Variants in TMEM87B observed in about 807,000 individuals in gnomAD.
TMEM87B encodes the protein transmembrane protein 87B.
TMEM87B carries 83 observed loss-of-function variants against 80.3 expected under a neutral mutation model. The ratio of observed to expected loss-of-function variants is 1.03; its 90% CI spans 0.87 to 1.24. TMEM87B has a LOEUF of 1.24. TMEM87B is among the 50% of genes most tolerant of loss of function. The pLI is 0.00. For synonymous variants in TMEM87B, 219 were observed against 230.5 expected, an observed-to-expected ratio of 0.95 and a Z score of 0.45; for missense variants, 625 against 674.4, an observed-to-expected ratio of 0.93 and a Z score of 0.81.
chr2:112,080,320 C>T (rs577773673), intron 6 of TMEM87B, among the ~76,000 whole-genome samples: 91 of 151,560 alleles, frequency 6.0e-4, no homozygotes, highest in African/African-American at 1.6e-3. Context: ...AGTGCAGTGG[C>T]GTGATCTCGG....
chr2:112,095,161 CTTTCTTTTT>C, intron 11 of TMEM87B: 1 of 656,180 alleles, frequency 1.5e-6, no homozygotes, highest in South Asian at 7.4e-5. Context: ...TCTTTTCTTT[CTTTCTTTTT>C]TTTTTTTTTT....
chr2:112,113,565 G>A (rs1220810712), intron 18 of TMEM87B, among the ~76,000 whole-genome samples: 2 of 152,210 alleles, frequency 1.3e-5, no homozygotes, highest in African/African-American at 4.8e-5. Flanking sequence ...GACTGTACTG[G>A]GATGGGAAGG....
rs572190653 is a variant in TMEM87B, at chr2:112,100,990, T to G, written c.1450+295T>G. ...GCTTAGCTGCTAAATAATGTTCATC[T>G]TGATGATTGCTAAGTTTCTTTGAGT... On this transcript the variant is annotated intron_variant, in intron 15 of 18. Coordinates refer to ENST00000283206, the MANE Select transcript of TMEM87B (RefSeq NM_032824.3). 1.4e-4 allele frequency among the ~76,000 whole-genome samples: 22 copies of G among 152,318 alleles called. No individual in the cohort carries two copies. In the South Asian group the frequency reaches 4.3e-3, roughly 30 times the overall value.
At chr2:112,074,849 A>G in intron 4 of TMEM87B, 63 bp from the exon 5 acceptor site, 1 of 1,448,066 alleles carries the variant, frequency 6.9e-7, no homozygotes, top group Non-Finnish European at 9.1e-7. Context: ...CTTAATTATT[A>G]AAACAATTTT....
At chr2:112,055,876 A>C in intron 1 of TMEM87B, 120 bp downstream of exon 1, 1 of 1,263,682 alleles carries the variant, frequency 7.9e-7, no homozygotes, top group Non-Finnish European at 1.0e-6. Context: ...GGGTCCCCTG[A>C]TACCCTCCCT....
At chr2:112,109,664 C>CTTTTTTTTTTTTTTTTTTTTTTTTTT (rs561752709) in intron 17 of TMEM87B, among the ~76,000 whole-genome samples, 2 of 46,342 alleles carry the variant, frequency 4.3e-5, no homozygotes, top group Non-Finnish European at 8.6e-5. Flanking sequence ...TAAGTATGGT[C>CTTTTTTTTTTTTTTTTTTTTTTTTTT]TTTTTTTTTT....
At chr2:112,057,135 C>T (rs562056129) in intron 1 of TMEM87B, among the ~76,000 whole-genome samples, 25 of 152,302 alleles carry the variant, frequency 1.6e-4, no homozygotes, top group Non-Finnish European at 2.9e-4. Flanking sequence ...TCCTGTGTGA[C>T]CCTGGGCCGC....
Position 112,101,162 on chromosome 2 carries a change from T to G in TMEM87B, c.1450+467T>G, listed in dbSNP as rs563948482. On this transcript the variant is annotated intron_variant, in intron 15 of 18. Transcript: ENST00000283206. The stretch of plus-strand genomic sequence containing the variant: ...TCATTTTATTAATTTTATTGTAATC[T>G]AATTAAGCATCTGTTAAGGCAACAT... 1.1e-4 allele frequency among the ~76,000 whole-genome samples: 17 copies of G among 152,324 alleles called. No individual in the cohort carries two copies. The East Asian group carries it at 2.9e-3, about 26-fold the overall frequency.
At chr2:112,080,301 C>T (rs1301089263) in intron 6 of TMEM87B, among the ~76,000 whole-genome samples, 1 of 151,168 alleles carries the variant, frequency 6.6e-6, no homozygotes. Flanking sequence ...GCTCTGTCGC[C>T]CAGGCTGGAG....
intron 11 of TMEM87B, among the ~76,000 whole-genome samples, chr2:112,096,152 A>T (rs1435150257): frequency 6.6e-6 from 1 of 152,088 alleles, no homozygotes; most frequent in Non-Finnish European, 1.5e-5. Context: ...CTGAGTTCCC[A>T]TTCCTTGCAT....
intron 15 of TMEM87B, 72 bp from the exon 16 acceptor site, chr2:112,105,930 T>C (rs1388563343): frequency 9.2e-6 from 10 of 1,084,902 alleles, no homozygotes; most frequent in Admixed American, 5.2e-5. Context: ...TTTTTTCTTA[T>C]CAGATTATTA....
At chr2:112,076,049 TCTG>T (rs1280895730) in intron 5 of TMEM87B, among the ~76,000 whole-genome samples, 1 of 152,192 alleles carries the variant, frequency 6.6e-6, no homozygotes, top group Non-Finnish European at 1.5e-5. Context: ...CTGAGTCATT[TCTG>T]ACAATGTTAT....
At chr2:112,111,918 T>A (rs1679927802) in intron 17 of TMEM87B, among the ~76,000 whole-genome samples, 3 of 152,256 alleles carry the variant, frequency 2.0e-5, no homozygotes, top group Admixed American at 2.0e-4. Flanking sequence ...GGGACCGTTG[T>A]TGATATTGCT....
At chr2:112,094,939 G>A (rs1679412850) in intron 11 of TMEM87B, among the ~76,000 whole-genome samples, 1 of 151,162 alleles carries the variant, frequency 6.6e-6, no homozygotes, top group Non-Finnish European at 1.5e-5. Context: ...AAAAAAAAAA[G>A]CAGAACTAAA....
intron 11 of TMEM87B, among the ~76,000 whole-genome samples, chr2:112,093,900 T>A (rs1055838825): frequency 1.3e-5 from 2 of 152,170 alleles, no homozygotes; most frequent in African/African-American, 4.8e-5. Context: ...AGAATGACAG[T>A]GGAGATGAAC....
chr2:112,110,949 GC>G (rs1475489223), intron 17 of TMEM87B, among the ~76,000 whole-genome samples: 3 of 152,062 alleles, frequency 2.0e-5, no homozygotes, highest in African/African-American at 2.4e-5. Context: ...TAAGTGTTGG[GC>G]TTTTTTGGAG....
rs190034378 is a variant in TMEM87B at position 112,093,838 on chromosome 2, C to A, written c.1104+2055C>A. Among the ~76,000 whole-genome samples the A allele has an allele frequency of 5.9e-5, 9 of 152,318 alleles. No individual in the cohort carries two copies. The East Asian group carries it at 1.7e-3, about 29-fold the overall frequency. On this transcript the variant is annotated intron_variant, in intron 11 of 18. Transcript: ENST00000283206. ...CAGGACTGCTTGTTAAGGGGACTCT[C>A]CTGCCTTGAGAATGGGCAGGAGGTA...
chr2:112,063,744 G>A lies in TMEM87B; in HGVS notation c.227-418G>A, dbSNP rs1460160629. 2.0e-5 allele frequency among the ~76,000 whole-genome samples: 3 copies of A among 152,302 alleles called. 1 individual carries two copies. The highest frequency in any genetic ancestry group is 4.1e-4 in the South Asian group (2 of 4,826). On this transcript the variant is annotated intron_variant, in intron 2 of 18. Transcript: ENST00000283206. The stretch of plus-strand genomic sequence containing the variant: ...GACTACTGAGAGTGCCTGTTTAGTT[G>A]TTAAAACTCACTCCTCCAGTACCTC...
Position 112,069,976 on chromosome 2 carries a change from G to GA in TMEM87B, c.450+2914dup, listed in dbSNP as rs1227625222. ...GTTGGCCATATGCATGTCTTCCTTT[G>GA]AAAAATGTCTAGTCATGTCCTTTGC... On this transcript the variant is annotated intron_variant, in intron 4 of 18. Transcript: ENST00000283206. Among the ~76,000 whole-genome samples the GA allele has an allele frequency of 2.0e-5, 3 of 152,026 alleles. No homozygotes were observed. In the South Asian group the frequency reaches 6.2e-4, roughly 32 times the overall value.
Sources: allele counts gnomAD v4.1 joint callset (sites outside exome capture counted in the v4.1 genomes callset), GRCh38; gene constraint gnomAD v4.1.1; transcripts MANE v1.5; gene names NCBI Gene and HGNC (gene_info 2026-07-23, HGNC 2026-07-21).